PTAR1: variants seen among roughly 807,000 people sequenced by gnomAD.
PTAR1 encodes protein prenyltransferase alpha subunit repeat containing 1, also known as protein prenyltransferase alpha subunit repeat-containing protein 1.
Under a neutral mutation model 45.5 loss-of-function variants are expected in PTAR1, and 17 were observed. The ratio of observed to expected loss-of-function variants is 0.37; its 90% CI spans 0.26 to 0.56. The LOEUF (loss-of-function observed/expected upper bound fraction) is 0.56. PTAR1 is among the 20% of genes least tolerant of loss of function. PTAR1 has a pLI of 0.77. For synonymous variants in PTAR1, 169 were observed against 171.3 expected (o/e 0.99, Z 0.11); for missense variants, 391 against 476.3 (o/e 0.82, Z 1.67).
At chr9:69,739,405 A>G (rs1825938060) in intron 3 of PTAR1, among the ~76,000 whole-genome samples, 1 of 151,388 alleles carries the variant, frequency 6.6e-6, no homozygotes, top group African/African-American at 2.5e-5. Context: ...CAAAAAAAAA[A>G]AGCAGTTTTC....
At chr9:69,722,827 T>C (rs1564127610) in intron 6 of PTAR1, among the ~76,000 whole-genome samples, 1 of 150,688 alleles carries the variant, frequency 6.6e-6, no homozygotes, top group African/African-American at 2.5e-5. Context: ...TAATCCCACC[T>C]ACTTGGAAGG....
At chr9:69,754,532 CTTTTTTTTTTT>C (rs60025062) in intron 1 of PTAR1, among the ~76,000 whole-genome samples, 1 of 76,260 alleles carries the variant, frequency 1.3e-5, no homozygotes, top group African/African-American at 5.8e-5. Context: ...GGGTATATAT[CTTTTTTTTTTT>C]TTTTTTTTTT....
rs768530437 is a variant in PTAR1, at chr9:69,718,375, T to C, written c.1176A>G (p.Ala392=). The change falls in exon 8 of 8, where the codon GCA becomes GCG. Residue 392 remains alanine, a synonymous_variant. Coordinates refer to ENST00000340434, the MANE Select transcript of PTAR1 (RefSeq NM_001099666.2). The stretch of plus-strand genomic sequence containing the variant: ...TCAAAGTAACCAGCCATTTCCTGTA[T>C]GCACTGGCAAACCTGGCTTGCTCCA... The part of the protein sequence containing the change: ...RNVEQARFAS[A]YRKWLVTLSQ 17 of 1,612,052 alleles carry C rather than the reference T, an allele frequency of 1.1e-5. No homozygotes were observed. In the East Asian group the frequency reaches 3.8e-4, roughly 36 times the overall value.
At chr9:69,718,815 CAGAGG>C in intron 6 of PTAR1, 131 bp from the exon 7 acceptor site, 1 of 619,102 alleles carries the variant, frequency 1.6e-6, no homozygotes, top group Admixed American at 3.1e-5. Flanking sequence ...CCAAGTTATA[CAGAGG>C]AAGGAGGAAA....
intron 3 of PTAR1, among the ~76,000 whole-genome samples, chr9:69,740,820 T>C (rs183474918): frequency 1.3e-5 from 2 of 152,308 alleles, no homozygotes; most frequent in Admixed American, 1.3e-4. Context: ...ACGAGTCATA[T>C]ATGATTTAAA....
chr9:69,721,000 G>A (rs113204763), intron 6 of PTAR1, among the ~76,000 whole-genome samples: 2,717 of 152,268 alleles, frequency 0.018, 85 homozygotes, highest in African/African-American at 0.062. Flanking sequence ...TCATTCTCTA[G>A]TCCATGGATC....
intron 1 of PTAR1, among the ~76,000 whole-genome samples, chr9:69,755,963 G>C (rs1342505637): frequency 6.6e-6 from 1 of 152,126 alleles, no homozygotes; most frequent in Non-Finnish European, 1.5e-5. Flanking sequence ...CCATTTTACA[G>C]AGGAAGAGTC....
rs1824620601 is a variant in PTAR1, at chr9:69,713,878, C to T, written c.*4464G>A. On this transcript the variant is annotated 3_prime_UTR_variant, in exon 8 of 8. Transcript: ENST00000340434. ...GTCTCTCACTGAAGGATAAAATACCCTACGGGGCCATGCCTAGCGATGGGA... is the reference window on the plus strand; with the variant it reads ...GTCTCTCACTGAAGGATAAAATACCTTACGGGGCCATGCCTAGCGATGGGA... 6.6e-6 allele frequency: 1 copy of T among 152,098 alleles called. No individual in the cohort carries two copies. Among genetic ancestry groups the T allele is most frequent in the Admixed American group, 6.6e-5 (1 of 15,244 alleles). 9.4% of individuals were successfully genotyped at this position (152,098 alleles called of 1,614,324 possible). A position where few individuals can be genotyped will look rare whatever the true frequency, so the allele number is the denominator to read the frequency against.
intron 1 of PTAR1, chr9:69,758,106 G>T (rs1268173765): frequency 6.6e-6 from 1 of 152,142 alleles, no homozygotes. Context: ...GTAGAAAAAG[G>T]ATTAGGGAGG....
At chr9:69,736,492 G>A (rs944096977) in intron 3 of PTAR1, among the ~76,000 whole-genome samples, 1 of 152,150 alleles carries the variant, frequency 6.6e-6, no homozygotes, top group African/African-American at 2.4e-5. Context: ...AGGAGGCAGA[G>A]GTTGCAGTGA....
At chr9:69,759,556 G>A (rs541307495) in intron 1 of PTAR1, among the ~76,000 whole-genome samples, 24 of 152,326 alleles carry the variant, frequency 1.6e-4, no homozygotes, top group African/African-American at 5.5e-4. Flanking sequence ...ACCTACGGGG[G>A]ACGTCTCTGG....
chr9:69,727,597 CTAAT>C (rs1365248064), intron 5 of PTAR1, among the ~76,000 whole-genome samples: 2 of 151,322 alleles, frequency 1.3e-5, no homozygotes, highest in East Asian at 1.9e-4. Flanking sequence ...AATCCTTTCT[CTAAT>C]TATGTGAAAT....
intron 2 of PTAR1, 29 bp from the exon 3 acceptor site, chr9:69,741,887 C>T (rs1826058647): frequency 1.5e-6 from 2 of 1,370,926 alleles, no homozygotes; most frequent in Admixed American, 1.9e-5. Context: ...ATATTAAAAA[C>T]AAATAGTCCT....
In PTAR1 at chr9:69,741,871, G is replaced by A. The variant is rs898741400; in HGVS notation, c.257-13C>T. ...ACATCTATCAATTCTAAAATAAAGA[G>A]AAGTCATATTAAAAACAAATAGTCC... On this transcript the variant is annotated splice_polypyrimidine_tract_variant and intron_variant, in intron 2 of 7. Transcript: ENST00000340434. 5 of 1,551,118 alleles carry A rather than the reference G, an allele frequency of 3.2e-6. No individual in the cohort carries two copies. In the African/African-American group the frequency reaches 4.1e-5, roughly 13 times the overall value.
intron 1 of PTAR1, among the ~76,000 whole-genome samples, chr9:69,751,219 C>T (rs1254626656): frequency 6.6e-6 from 1 of 152,000 alleles, no homozygotes; most frequent in Non-Finnish European, 1.5e-5. Flanking sequence ...AAGGAACATA[C>T]CCTTTGATCC....
chr9:69,727,028 C>T (rs62571890), intron 5 of PTAR1, among the ~76,000 whole-genome samples: 126 of 62,526 alleles, frequency 2.0e-3, no homozygotes, highest in African/African-American at 5.0e-3. Context: ...TGTGTATATA[C>T]ACACACACAC....
At position 69,750,857 on chromosome 9, in the gene PTAR1, A is replaced by C; in HGVS notation, c.180T>G (p.Cys60Trp). The C allele has an allele frequency of 3.1e-6, 5 of 1,610,842 alleles. No individual in the cohort carries two copies. The highest frequency in any genetic ancestry group is 4.2e-6 in the Non-Finnish European group (5 of 1,178,202). ...GGACATATGGTAAAAGGAACTTGAC[A>C]CACCAGCTCTCCACACCCAGTTTGT... ...VENKLGVESW[C>W]VKFLLPYVHN... The change falls in exon 2 of 8, where the codon TGT becomes TGG. Residue 60 changes from cysteine to tryptophan, a missense_variant. Physicochemically the swap from Cys to Trp is radical, Grantham distance 215 (BLOSUM62 -2). Transcript: ENST00000340434.
chr9:69,723,435 A>G lies in PTAR1; in HGVS notation c.838T>C (p.Ser280Pro). 2 of 1,613,892 alleles carry G rather than the reference A, an allele frequency of 1.2e-6. No homozygotes were observed. Among genetic ancestry groups the G allele is most frequent in the South Asian group, 2.2e-5 (2 of 91,090 alleles). Reference sequence around the variant, plus strand: ...AGATTAATCCTTGGTTCTTCTGTTGAAACTGCTGCTTCTTCATCTTTTGGA... The same window carrying G: ...AGATTAATCCTTGGTTCTTCTGTTGGAACTGCTGCTTCTTCATCTTTTGGA... Reference protein sequence around the residue: ...VPPKDEEAAVSTEEPRINLPH... With the variant: ...VPPKDEEAAVPTEEPRINLPH... The change falls in exon 6 of 8, where the codon TCA (serine) becomes CCA (proline). Residue 280 changes from serine (S) to proline (P), a missense_variant. This residue lies in a region of PTAR1 where 181 missense variants were observed against 227.7 expected (regional missense o/e 0.80). Transcript: ENST00000340434.
chr9:69,734,729 A>G (rs934229203), intron 3 of PTAR1, among the ~76,000 whole-genome samples: 6 of 151,330 alleles, frequency 4.0e-5, no homozygotes, highest in South Asian at 4.2e-4. Flanking sequence ...GATGTAAGGG[A>G]AAAAAAAATC....
Sources: allele counts gnomAD v4.1 joint callset (sites outside exome capture counted in the v4.1 genomes callset), GRCh38; gene constraint gnomAD v4.1.1; regional missense constraint gnomAD v4.1.1; transcripts MANE v1.5; gene names NCBI Gene and HGNC (gene_info 2026-07-23, HGNC 2026-07-21).